ABCC1: variants seen among roughly 807,000 people sequenced by gnomAD.
The protein encoded by ABCC1 is ATP binding cassette subfamily C member 1 (ABCC1 blood group), also known as multidrug resistance-associated protein 1.
A neutral mutation model predicts 172.9 loss-of-function variants in ABCC1; 83 were observed. That is an observed-to-expected ratio of 0.48 (90% confidence interval 0.40 to 0.58). The LOEUF (loss-of-function observed/expected upper bound fraction) is 0.58, where lower values mean the gene tolerates loss of function less well. Ranked by LOEUF, ABCC1 falls within the 20% of genes least tolerant of loss-of-function variation. The pLI, the probability that ABCC1 is intolerant of heterozygous loss-of-function variation, is 0.00. For synonymous variants in ABCC1, 937 were observed against 825.2 expected, an observed-to-expected ratio of 1.14 and a Z score of -2.32; for missense variants, 1,817 against 2,002.7, an observed-to-expected ratio of 0.91 and a Z score of 1.77.
chr16:16,043,222 G>GTTT (rs147161637), intron 7 of ABCC1, among the ~76,000 whole-genome samples: 10,174 of 88,864 alleles, frequency 0.11, 941 homozygotes, highest in African/African-American at 0.25. Flanking sequence ...TGGCTGGACT[G>GTTT]TTTTTTTTTT....
At chr16:16,092,198 A>G (rs984664348) in intron 19 of ABCC1, among the ~76,000 whole-genome samples, 22 of 152,222 alleles carry the variant, frequency 1.4e-4, no homozygotes, top group African/African-American at 4.8e-4. Context: ...AGATCGTGCC[A>G]CTACACTCCA....
chr16:16,121,523 C>CTTCAG (rs1282716676), intron 23 of ABCC1, among the ~76,000 whole-genome samples: 1 of 152,208 alleles, frequency 6.6e-6, no homozygotes, highest in African/African-American at 2.4e-5. Context: ...AGGTGAAAGG[C>CTTCAG]TTCAGAGAGG....
At chr16:16,023,834 T>G (rs2048278181) in intron 5 of ABCC1, among the ~76,000 whole-genome samples, 1 of 151,444 alleles carries the variant, frequency 6.6e-6, no homozygotes, top group Admixed American at 6.6e-5. Context: ...TGTTTGGAGG[T>G]GGTGGGGTGG....
Position 16,015,649 on chromosome 16 carries a change from C to T in ABCC1, c.490-847C>T, listed in dbSNP as rs538145642. 2.6e-4 allele frequency among the ~76,000 whole-genome samples: 39 copies of T among 152,312 alleles called. No individual in the cohort carries two copies. In the South Asian group the frequency reaches 7.9e-3, roughly 31 times the overall value. ...ATGTGTCACGAATAATCTTCCTGAC[C>T]TCTTGCAGTGACTTGGACAGAATTT... On this transcript the variant is annotated intron_variant, in intron 4 of 30. Coordinates refer to ENST00000399410, the MANE Select transcript of ABCC1 (RefSeq NM_004996.4).
intron 1 of ABCC1, among the ~76,000 whole-genome samples, chr16:15,991,235 C>G (rs1244447731): frequency 1.3e-5 from 2 of 151,696 alleles, no homozygotes; most frequent in Non-Finnish European, 2.9e-5. Context: ...GTCTCAGGGT[C>G]TAGGGCCACC....
Position 16,004,660 on chromosome 16 carries a change from T to A in ABCC1, c.49-3156T>A, listed in dbSNP as rs994660290. Among the ~76,000 whole-genome samples the A allele has an allele frequency of 3.8e-4, 55 of 145,524 alleles. 1 individual carries two copies. The South Asian group carries it at 0.012, about 31-fold the overall frequency. On this transcript the variant is annotated intron_variant, in intron 1 of 30. Transcript: ENST00000399410. ...TGTGTTGGCCTTGTAAGGTTTACTT[T>A]TTTTTTTTTTTTTTTTGAGATGGAG... is the stretch of plus-strand genomic sequence containing the variant.
rs150453261 is a variant in ABCC1, at chr16:15,963,077, G to A, written c.48+13278G>A. ...GTACAGGCATTGGATAAATACACCC[G>A]TTTGAAATGGGAGAAATTGGCCAAA... On this transcript the variant is annotated intron_variant, in intron 1 of 30. Transcript: ENST00000399410. Among the ~76,000 whole-genome samples, 680 of 152,316 alleles carry A rather than the reference G, an allele frequency of 4.5e-3. 7 individuals carry two copies. Among genetic ancestry groups the A allele is most frequent in the African/African-American group, 0.015 (620 of 41,574 alleles).
Position 15,949,636 on chromosome 16 carries a change from CGCTAG to C in ABCC1, c.-115_-111del, listed in dbSNP as rs1311275206. Reference sequence around the variant, plus strand: ...GCGCCGCCGCCGCCGCCGCCGCCAGCGCTAGCGCCAGCAGCCGGGCCCGATCACCC... The same window carrying C: ...GCGCCGCCGCCGCCGCCGCCGCCAGCCGCCAGCAGCCGGGCCCGATCACCC... On this transcript the variant is annotated 5_prime_UTR_variant, in exon 1 of 31. Transcript: ENST00000399410. The C allele has an allele frequency of 9.9e-6, 7 of 707,562 alleles. No individual in the cohort carries two copies. In the Admixed American group the frequency reaches 2.0e-4, roughly 20 times the overall value. The allele number at this position is 707,562 out of a possible 1,614,324, so 43.8% of individuals were successfully genotyped here.
chr16:16,129,348 A>G (rs1024550616), intron 26 of ABCC1, among the ~76,000 whole-genome samples: 3 of 152,058 alleles, frequency 2.0e-5, no homozygotes, highest in African/African-American at 7.2e-5. Context: ...TAAGCGCTCA[A>G]TAATAACATT....
At chr16:16,115,188 A>G (rs745942398) in intron 23 of ABCC1, 112 bp downstream of exon 23, 12 of 1,203,032 alleles carry the variant, frequency 1.0e-5, no homozygotes, top group Non-Finnish European at 1.2e-5. Flanking sequence ...CTTTTGAAGC[A>G]TGTAGATTTG....
At chr16:16,070,079 G>T (rs1055046233) in intron 13 of ABCC1, among the ~76,000 whole-genome samples, 1 of 151,942 alleles carries the variant, frequency 6.6e-6, no homozygotes, top group Admixed American at 6.6e-5. Context: ...ACATCACTCA[G>T]ATTCAACATC....
At chr16:16,078,182 T>G (rs1343409614) in intron 15 of ABCC1, among the ~76,000 whole-genome samples, 1 of 152,030 alleles carries the variant, frequency 6.6e-6, no homozygotes, top group African/African-American at 2.4e-5. Flanking sequence ...AATACTTAAG[T>G]AACTAAATAC....
intron 8 of ABCC1, among the ~76,000 whole-genome samples, chr16:16,045,484 C>T (rs1339584229): frequency 6.6e-6 from 1 of 151,962 alleles, no homozygotes; most frequent in Non-Finnish European, 1.5e-5. Flanking sequence ...TTGCCTCTCT[C>T]CTACCTGGCT....
At chr16:16,104,068 G>T (rs1333187166) in intron 20 of ABCC1, among the ~76,000 whole-genome samples, 1 of 152,126 alleles carries the variant, frequency 6.6e-6, no homozygotes, top group Non-Finnish European at 1.5e-5. Context: ...CCTCCCGCTG[G>T]GTTTGTGCTC....
intron 5 of ABCC1, among the ~76,000 whole-genome samples, chr16:16,031,773 A>G (rs766399668): frequency 2.6e-5 from 4 of 152,006 alleles, no homozygotes; most frequent in Non-Finnish European, 5.9e-5. Context: ...ATCAGCCCCC[A>G]TGCACTTACT....
intron 8 of ABCC1, 91 bp from the exon 9 acceptor site, chr16:16,045,745 C>A: frequency 2.3e-6 from 3 of 1,277,386 alleles, no homozygotes; most frequent in South Asian, 1.4e-5. Context: ...TCATCTGGCT[C>A]AGGAGAAAGT....
intron 16 of ABCC1, among the ~76,000 whole-genome samples, chr16:16,082,423 C>T (rs886741632): frequency 3.3e-5 from 5 of 152,092 alleles, no homozygotes; most frequent in African/African-American, 4.8e-5. Flanking sequence ...TTTCTACAAA[C>T]GTAATAAATA....
At chr16:15,966,393 CAGAG>C (rs1044919047) in intron 1 of ABCC1, among the ~76,000 whole-genome samples, 5 of 135,564 alleles carry the variant, frequency 3.7e-5, no homozygotes, top group Non-Finnish European at 6.2e-5. Flanking sequence ...GCCTGGGTGA[CAGAG>C]AGACTTTATC....
chr16:16,086,913 CCT>C lies in ABCC1; in HGVS notation c.2386_2387del (p.Ala797SerfsTer11). ...CTGACATTTACCTCTTCGATGATCC[CCT>C]CTCAGCAGTGGATGCCCATGTGGGA... ...NADIYLFDDP[L>X]SAVDAHVGKH... On this transcript the variant is annotated frameshift_variant, in exon 18 of 31. Coordinates refer to ENST00000399410, the MANE Select transcript of ABCC1 (RefSeq NM_004996.4). LOFTEE classifies it high-confidence loss of function. 1.2e-6 allele frequency: 2 copies of C among 1,614,198 alleles called. No individual in the cohort carries two copies.
Sources: allele counts gnomAD v4.1 joint callset (sites outside exome capture counted in the v4.1 genomes callset), GRCh38; gene constraint gnomAD v4.1.1; transcripts MANE v1.5; gene names NCBI Gene and HGNC (gene_info 2026-07-23, HGNC 2026-07-21).